The following TET2 variants were observed in gnomAD, a reference collection of about 807,000 sequenced individuals.
The protein encoded by TET2 is tet methylcytosine dioxygenase 2.
TET2 carries 299 observed loss-of-function variants against 142.9 expected under a neutral mutation model. The observed-to-expected ratio is 2.09, with a 90% CI of 1.90 to 2.30. TET2 has a LOEUF of 2.30. Ranked by LOEUF, TET2 falls within the 30% of genes most tolerant of loss-of-function variation. The pLI, the probability that TET2 is intolerant of heterozygous loss-of-function variation, is 0.00. For missense variants in TET2, 2,418 were observed against 2,378.0 expected, an observed-to-expected ratio of 1.02 and a Z score of -0.35; for synonymous variants, 819 against 849.0, an observed-to-expected ratio of 0.96 and a Z score of 0.61.
intron 7 of TET2, among the ~76,000 whole-genome samples, chr4:105,261,315 G>GTTGCTCTATGGAGAGATCA (rs1481398954): frequency 6.6e-6 from 1 of 151,948 alleles, no homozygotes; most frequent in Non-Finnish European, 1.5e-5. Context: ...GTAAATTTTA[G>GTTGCTCTATGGAGAGATCA]TTGCTCTATG....
chr4:105,276,682 A>G lies in TET2; in HGVS notation c.*163A>G. 2 of 777,618 alleles carry G rather than the reference A, an allele frequency of 2.6e-6. No individual in the cohort carries two copies. The highest frequency in any genetic ancestry group is 3.9e-6 in the Non-Finnish European group (2 of 513,364). 48.2% of individuals were successfully genotyped at this position (777,618 alleles called of 1,614,324 possible). ...GCAACAAAAGAGGTTATCTTACCAT[A>G]GCACTTAATTTTCACTGGCTCCCAA... On this transcript the variant is annotated 3_prime_UTR_variant, in exon 11 of 11. Transcript: ENST00000380013.
intron 5 of TET2, 23 bp from the exon 6 acceptor site, chr4:105,243,547 G>T (rs2110254180): frequency 6.4e-7 from 1 of 1,550,674 alleles, no homozygotes; most frequent in Non-Finnish European, 8.7e-7. Context: ...GGGGTGTTTG[G>T]GATGGAATGG....
chr4:105,261,609 C>A, intron 7 of TET2, 150 bp from the exon 8 acceptor site: 3 of 473,068 alleles, frequency 6.3e-6, no homozygotes, highest in Non-Finnish European at 1.1e-5. Flanking sequence ...AAATGATAGT[C>A]ATGTTTTAAA....
chr4:105,260,007 AG>A (rs528611836), intron 7 of TET2, among the ~76,000 whole-genome samples: 2 of 152,260 alleles, frequency 1.3e-5, no homozygotes, highest in Admixed American at 1.3e-4. Context: ...AAAGTTTTAA[AG>A]GGGTGTCACT....
intron 6 of TET2, among the ~76,000 whole-genome samples, chr4:105,247,785 A>G (rs1729658598): frequency 7.3e-6 from 1 of 136,066 alleles, no homozygotes; most frequent in Non-Finnish European, 1.5e-5. Flanking sequence ...GCAGTGGCCC[A>G]ATCTCAGCTC....
intron 6 of TET2, among the ~76,000 whole-genome samples, chr4:105,249,277 AG>A (rs1356766802): frequency 6.6e-6 from 1 of 152,124 alleles, no homozygotes; most frequent in Admixed American, 6.5e-5. Context: ...CTTCTACCTT[AG>A]CCTCCTAAAG....
intron 2 of TET2, among the ~76,000 whole-genome samples, chr4:105,220,553 G>A (rs140864196): frequency 1.2e-3 from 176 of 152,166 alleles, no homozygotes; most frequent in African/African-American, 4.0e-3. Flanking sequence ...CCCCTCTACC[G>A]TGAGCACCAG....
At chr4:105,222,110 A>G (rs1241746073) in intron 2 of TET2, among the ~76,000 whole-genome samples, 2 of 151,736 alleles carry the variant, frequency 1.3e-5, no homozygotes, top group Non-Finnish European at 2.9e-5. Flanking sequence ...AATCCAGTCT[A>G]TCATTGTTGG....
Position 105,243,687 on chromosome 4 carries a change from C to T in TET2, c.3712C>T (p.Leu1238=), listed in dbSNP as rs1729428940. The change falls in exon 6 of 11, where the codon CTG becomes TTG. Residue 1238 remains leucine, a synonymous_variant. Transcript: ENST00000380013. ...CATCCTGGTGTGGGAAGGAATCCCG[C>T]TGTCTCTGGCTGACAAACTCTACTC... ...ILILVWEGIP[L]SLADKLYSEL... 2 of 1,551,492 alleles carry T rather than the reference C, an allele frequency of 1.3e-6. No individual in the cohort carries two copies. Among genetic ancestry groups the T allele is most frequent in the African/African-American group, 1.4e-5 (1 of 73,014 alleles).
At chr4:105,173,377 A>AC (rs1724590102) in intron 1 of TET2, among the ~76,000 whole-genome samples, 2 of 151,284 alleles carry the variant, frequency 1.3e-5, no homozygotes, top group Non-Finnish European at 3.0e-5. Context: ...AAAAAAAAAA[A>AC]ACAAAACTAG....
rs890894775 is a variant in TET2, at chr4:105,275,591, T to C, written c.5081T>C (p.Leu1694Ser). The change falls in exon 11 of 11, where the codon TTA becomes TCA. Residue 1694 changes from leucine to serine, a missense_variant. Transcript: ENST00000380013. ...GNSQSFTSKY[L>S]GYGNQNMQGD... ...AGCCAGAGTTTTACATCTAAATACT[T>C]AGGTTATGGAAACCAAAATATGCAG... 1.0e-5 allele frequency: 16 copies of C among 1,551,608 alleles called. No individual in the cohort carries two copies. The African/African-American group carries it at 2.2e-4, about 21-fold the overall frequency.
rs1728910671 is a variant in TET2, at chr4:105,236,380, A to G, written c.2438A>G (p.Asn813Ser). The G allele has an allele frequency of 6.2e-7, 1 of 1,613,994 alleles. No homozygotes were observed. Reference protein sequence around the residue: ...QMGLEEVQNINRRNSPYSQTM... With the variant: ...QMGLEEVQNISRRNSPYSQTM... ...GGACTGGAGGAAGTACAGAATATAA[A>G]TCGTAGAAATTCCCCTTATAGTCAG... The change falls in exon 3 of 11, where the codon AAT becomes AGT. Residue 813 changes from asparagine (N) to serine (S), a missense_variant. Physicochemically the swap from Asn to Ser is conservative, Grantham distance 46 (BLOSUM62 1). Coordinates refer to ENST00000380013, the MANE Select transcript of TET2 (RefSeq NM_001127208.3).
chr4:105,268,342 A>G (rs181601150), intron 8 of TET2, among the ~76,000 whole-genome samples: 173 of 152,346 alleles, frequency 1.1e-3, no homozygotes, highest in Non-Finnish European at 1.8e-3. Context: ...ACAAAAATGT[A>G]TAAGATTATA....
At chr4:105,180,559 A>T (rs1001028561) in intron 1 of TET2, among the ~76,000 whole-genome samples, 1 of 152,034 alleles carries the variant, frequency 6.6e-6, no homozygotes, top group Non-Finnish European at 1.5e-5. Context: ...CACTTAAAAA[A>T]CCTTTCTAAA....
chr4:105,187,115 A>G (rs1214782686), intron 1 of TET2, among the ~76,000 whole-genome samples: 2 of 152,134 alleles, frequency 1.3e-5, no homozygotes, highest in Non-Finnish European at 2.9e-5. Context: ...AGAGAGGGAA[A>G]TCCCCCTAGA....
intron 6 of TET2, among the ~76,000 whole-genome samples, chr4:105,247,244 C>A (rs1372553266): frequency 6.6e-6 from 1 of 152,166 alleles, no homozygotes; most frequent in African/African-American, 2.4e-5. Flanking sequence ...TACCATCTTA[C>A]CTGTTAACAT....
At chr4:105,181,070 T>C (rs1411249767) in intron 1 of TET2, among the ~76,000 whole-genome samples, 2 of 152,226 alleles carry the variant, frequency 1.3e-5, no homozygotes, top group Admixed American at 1.3e-4. Flanking sequence ...AAAAATAGTC[T>C]CTGATTCTGT....
At position 105,277,902 on chromosome 4, in the gene TET2, T is replaced by C. The variant is rs982741567; in HGVS notation, c.*1383T>C. The C allele has an allele frequency of 2.3e-5, 5 of 218,882 alleles. No homozygotes were observed. The highest frequency in any genetic ancestry group is 4.6e-5 in the Non-Finnish European group (5 of 109,200). The allele number at this position is 218,882 out of a possible 1,614,324, so 13.6% of individuals were successfully genotyped here. A position where few individuals can be genotyped will look rare whatever the true frequency, so the allele number is the denominator to read the frequency against. On this transcript the variant is annotated 3_prime_UTR_variant, in exon 11 of 11. Transcript: ENST00000380013. ...CCTTTGTGTTGATAATTATGTACATTGTGACGTTGTCATTTCTTAGCTTAA... is the reference window on the plus strand; with the variant it reads ...CCTTTGTGTTGATAATTATGTACATCGTGACGTTGTCATTTCTTAGCTTAA...
intron 1 of TET2, among the ~76,000 whole-genome samples, chr4:105,185,436 T>C (rs1353395226): frequency 1.3e-5 from 2 of 152,240 alleles, no homozygotes; most frequent in African/African-American, 4.8e-5. Flanking sequence ...TTGTCTTTTT[T>C]TTCTAAATCT....
Sources: gnomAD v4.1 joint callset for allele counts (sites outside exome capture counted in the v4.1 genomes callset) on GRCh38, gnomAD v4.1.1 for gene constraint, MANE v1.5 for transcripts, NCBI Gene and HGNC (gene_info 2026-07-23, HGNC 2026-07-21) for gene names.